MEIS1: variants seen among roughly 807,000 people sequenced by gnomAD.
MEIS1 encodes the protein homeobox protein Meis1.
Under a neutral mutation model 50.8 loss-of-function variants are expected in MEIS1, and 5 were observed. The observed-to-expected ratio is 0.10, with a 90% CI of 0.05 to 0.21. MEIS1 has a LOEUF of 0.21. Ranked by LOEUF, MEIS1 falls within the 10% of genes least tolerant of loss-of-function variation. The pLI, the probability that MEIS1 is intolerant of heterozygous loss-of-function variation, is 1.00. For missense variants in MEIS1, 318 were observed against 517.3 expected (o/e 0.61, Z 3.74); for synonymous variants, 176 against 179.3 (o/e 0.98, Z 0.15).
At chr2:66,446,852 C>A (rs1014308444) in intron 6 of MEIS1, among the ~76,000 whole-genome samples, 2 of 152,238 alleles carry the variant, frequency 1.3e-5, no homozygotes, top group Non-Finnish European at 2.9e-5. Context: ...CTGGGGCAGG[C>A]CGGGCCCGGT....
chr2:66,501,142 C>G (rs1021682127), intron 7 of MEIS1, among the ~76,000 whole-genome samples: 1 of 151,978 alleles, frequency 6.6e-6, no homozygotes, highest in Non-Finnish European at 1.5e-5. Context: ...AATGAACTAG[C>G]ATTATTAAAA....
intron 9 of MEIS1, among the ~76,000 whole-genome samples, chr2:66,548,454 A>G (rs1387167546): frequency 6.6e-6 from 1 of 152,220 alleles, no homozygotes. Flanking sequence ...CTATGCATTC[A>G]AGGATAGCCT....
intron 10 of MEIS1, 34 bp downstream of exon 10, chr2:66,567,545 G>T: frequency 6.2e-7 from 1 of 1,606,866 alleles, no homozygotes; most frequent in Non-Finnish European, 8.5e-7. Context: ...TTCAAGTCAC[G>T]CAAGCGAAAA....
At chr2:66,491,754 A>G (rs1343815751) in intron 7 of MEIS1, among the ~76,000 whole-genome samples, 1 of 152,136 alleles carries the variant, frequency 6.6e-6, no homozygotes, top group African/African-American at 2.4e-5. Context: ...AGCCATTTAA[A>G]ATGCTGGCTC....
rs1345138425 is a variant in MEIS1, at chr2:66,456,247, C to CAT, written c.631-7861_631-7860insTA. Among the ~76,000 whole-genome samples the CAT allele has an allele frequency of 3.3e-5, 5 of 152,012 alleles. No homozygotes were observed. In the East Asian group the frequency reaches 9.6e-4, roughly 29 times the overall value. On this transcript the variant is annotated intron_variant, in intron 6 of 12. Transcript: ENST00000272369. ...CATATGATTTTTATACACACACACACACACACACACACACGTTTATTTGCA... is the reference window on the plus strand; with the variant it reads ...CATATGATTTTTATACACACACACACATACACACACACACACGTTTATTTGCA...
chr2:66,527,590 AAGTGTGTGTGTGTG>A (rs1674283513), intron 8 of MEIS1, among the ~76,000 whole-genome samples: 1 of 97,730 alleles, frequency 1.0e-5, no homozygotes, highest in African/African-American at 4.4e-5. Flanking sequence ...CAGTAAAAGC[AAGTGTGTGTGTGTG>A]TGTGTGTGTG....
chr2:66,435,653 GACTC>G lies in MEIS1; in HGVS notation c.-203_-200del, dbSNP rs1371088469. 2.2e-5 allele frequency: 10 copies of G among 446,716 alleles called. No individual in the cohort carries two copies. In the Admixed American group the frequency reaches 2.6e-4, roughly 12 times the overall value. The allele number at this position is 446,716 out of a possible 1,614,324, so 27.7% of individuals were successfully genotyped here. On this transcript the variant is annotated 5_prime_UTR_variant, in exon 1 of 13. An upstream open reading frame in the 5' UTR loses its in-frame stop. Transcript: ENST00000272369. ...GAAACGGAGCGCTTTTATGCTCAGT[GACTC>G]GGGCGCTTTGCTTCAGGTCCCGTAG...
intron 10 of MEIS1, chr2:66,568,066 C>T (rs1172210390): frequency 6.3e-6 from 1 of 159,522 alleles, no homozygotes; most frequent in Non-Finnish European, 1.4e-5. Context: ...TCTTATTTCT[C>T]AGACCTTCTC....
intron 7 of MEIS1, among the ~76,000 whole-genome samples, chr2:66,467,237 T>C (rs561638251): frequency 6.6e-6 from 1 of 152,288 alleles, no homozygotes; most frequent in African/African-American, 2.4e-5. Context: ...TTTGCTGAAT[T>C]AGTAGCTGTT....
At chr2:66,568,639 T>C (rs751241869) in intron 10 of MEIS1, 28 bp from the exon 11 acceptor site, 1 of 1,588,904 alleles carries the variant, frequency 6.3e-7, no homozygotes. Flanking sequence ...AGACTGTTAT[T>C]AAAAAACCAC....
intron 7 of MEIS1, among the ~76,000 whole-genome samples, chr2:66,482,490 T>C (rs1673041681): frequency 6.6e-6 from 1 of 152,234 alleles, no homozygotes; most frequent in Non-Finnish European, 1.5e-5. Flanking sequence ...TTTTGGTTCA[T>C]TTATTTTTGA....
intron 7 of MEIS1, among the ~76,000 whole-genome samples, chr2:66,499,618 G>C (rs1673498637): frequency 6.6e-6 from 1 of 150,740 alleles, no homozygotes; most frequent in African/African-American, 2.4e-5. Flanking sequence ...AACCCATGTA[G>C]CCGAATCATA....
At chr2:66,471,969 A>G (rs1181685517) in intron 7 of MEIS1, among the ~76,000 whole-genome samples, 1 of 152,250 alleles carries the variant, frequency 6.6e-6, no homozygotes, top group African/African-American at 2.4e-5. Flanking sequence ...AAATGGAGAT[A>G]TTAGCTTTAA....
chr2:66,470,824 A>G (rs895012008), intron 7 of MEIS1, among the ~76,000 whole-genome samples: 1 of 152,232 alleles, frequency 6.6e-6, no homozygotes, highest in East Asian at 1.9e-4. Context: ...GCCCTCTAGC[A>G]TATCTGTGGC....
chr2:66,550,101 A>T (rs1028880201), intron 9 of MEIS1, among the ~76,000 whole-genome samples: 1 of 152,216 alleles, frequency 6.6e-6, no homozygotes, highest in African/African-American at 2.4e-5. Context: ...TTTAAAGTAT[A>T]TGCAGACTTT....
chr2:66,484,171 T>C (rs1480466094), intron 7 of MEIS1, among the ~76,000 whole-genome samples: 2 of 152,218 alleles, frequency 1.3e-5, no homozygotes, highest in Non-Finnish European at 2.9e-5. Context: ...TGGTAAGTTA[T>C]GGGGAAGCAA....
chr2:66,552,976 G>GAC (rs549598196), intron 9 of MEIS1, among the ~76,000 whole-genome samples: 176 of 152,178 alleles, frequency 1.2e-3, no homozygotes, highest in African/African-American at 3.9e-3. Context: ...TTGAATATTA[G>GAC]ACACAGATTG....
intron 8 of MEIS1, among the ~76,000 whole-genome samples, chr2:66,545,239 A>G (rs1016998665): frequency 6.6e-6 from 1 of 152,238 alleles, no homozygotes; most frequent in Non-Finnish European, 1.5e-5. Context: ...ATTAAAAATC[A>G]CTGCAAGTGA....
At chr2:66,436,948 G>A in intron 1 of MEIS1, 1 of 983,804 alleles carries the variant, frequency 1.0e-6, no homozygotes, top group Non-Finnish European at 1.2e-6. Context: ...AACCTGGTGA[G>A]TAACATTTGC....
Sources: gnomAD v4.1 joint callset for allele counts (sites outside exome capture counted in the v4.1 genomes callset) on GRCh38, gnomAD v4.1.1 for gene constraint, MANE v1.5 for transcripts, NCBI Gene and HGNC (gene_info 2026-07-23, HGNC 2026-07-21) for gene names.